KPNA7: variants seen among roughly 807,000 people sequenced by gnomAD.
The protein encoded by KPNA7 is importin subunit alpha-8.
KPNA7 carries 54 observed loss-of-function variants against 53.7 expected under a neutral mutation model. That is an observed-to-expected ratio of 1.01 (90% CI 0.81 to 1.26). The LOEUF (loss-of-function observed/expected upper bound fraction) is 1.26. Among genes scored for constraint, KPNA7 ranks in the 50% most tolerant of loss-of-function variants. The probability of loss-of-function intolerance (pLI) is 0.00; values close to 1 mark genes in which losing one functional copy is unlikely to be tolerated. For synonymous variants in KPNA7, 276 were observed against 259.3 expected (o/e 1.06, Z -0.62); for missense variants, 640 against 644.5 (o/e 0.99, Z 0.07).
the KPNA7 span, among the ~76,000 whole-genome samples, chr7:99,153,955 G>A: frequency 6.6e-6 from 1 of 151,596 alleles, no homozygotes; most frequent in Non-Finnish European, 1.5e-5. Context: ...GTGACAGAGA[G>A]TCTCTAAAAA....
the KPNA7 span, among the ~76,000 whole-genome samples, chr7:99,147,787 AT>A: frequency 1.1e-5 from 1 of 94,932 alleles, no homozygotes; most frequent in African/African-American, 4.1e-5. Context: ...GCAAGACTCT[AT>A]CTCAAAAAAA....
chr7:99,167,701 G>A, the KPNA7 span, among the ~76,000 whole-genome samples: 3 of 126,658 alleles, frequency 2.4e-5, no homozygotes, highest in Admixed American at 1.0e-4. Flanking sequence ...GGCTGGTCTC[G>A]AATTCCTGAC....
chr7:99,165,192 T>C, the KPNA7 span, among the ~76,000 whole-genome samples: 4 of 151,918 alleles, frequency 2.6e-5, no homozygotes, highest in Non-Finnish European at 4.4e-5. Flanking sequence ...GGATCACTTG[T>C]TGGAATGGCC....
chr7:99,209,701 A>AAAAAAAAAAAAAAAAAAAAAG, upstream of KPNA7, among the ~76,000 whole-genome samples: 2 of 148,270 alleles, frequency 1.3e-5, no homozygotes, highest in Admixed American at 6.9e-5. Flanking sequence ...AAAAAAAAAA[A>AAAAAAAAAAAAAAAAAAAAAG]AAAAAAAAAG....
upstream of KPNA7, among the ~76,000 whole-genome samples, chr7:99,208,374 G>T (rs893339894): frequency 1.3e-5 from 2 of 152,138 alleles, no homozygotes; most frequent in African/African-American, 4.8e-5. Flanking sequence ...TCCTACCTCA[G>T]CCTCCCGAGT....
chr7:99,159,469 T>A, the KPNA7 span, among the ~76,000 whole-genome samples: 1 of 151,866 alleles, frequency 6.6e-6, no homozygotes, highest in African/African-American at 2.4e-5. Flanking sequence ...TTTCCAACTT[T>A]ACATTATGGA....
At chr7:99,187,725 T>C (rs766908969) in intron 7 of KPNA7, among the ~76,000 whole-genome samples, 16 of 149,894 alleles carry the variant, frequency 1.1e-4, no homozygotes, top group Non-Finnish European at 7.4e-5. Context: ...AGTTAATTCT[T>C]TGGTGTTTTA....
At chr7:99,186,365 A>G (rs1789591813) in intron 7 of KPNA7, among the ~76,000 whole-genome samples, 1 of 152,184 alleles carries the variant, frequency 6.6e-6, no homozygotes, top group African/African-American at 2.4e-5. Context: ...TTCCTAGCCT[A>G]TTAGGCTACT....
intron 1 of KPNA7, among the ~76,000 whole-genome samples, chr7:99,215,597 AG>A (rs138769857): frequency 0.028 from 4,166 of 150,936 alleles, 200 homozygotes; most frequent in African/African-American, 0.097. Flanking sequence ...TTGCTTCTCC[AG>A]GCTTCTCTGG....
chr7:99,169,060 C>T (rs910025804), downstream of KPNA7, among the ~76,000 whole-genome samples: 5 of 152,080 alleles, frequency 3.3e-5, no homozygotes, highest in African/African-American at 7.2e-5. Context: ...TGGTGGCACA[C>T]GCCTGTAATC....
At chr7:99,148,368 T>C in the KPNA7 span, among the ~76,000 whole-genome samples, 2 of 152,312 alleles carry the variant, frequency 1.3e-5, no homozygotes, top group East Asian at 3.9e-4. Context: ...TTGAAATATT[T>C]TCCAGTGGGC....
At chr7:99,176,033 CA>C (rs1798884727) in intron 10 of KPNA7, among the ~76,000 whole-genome samples, 1 of 152,084 alleles carries the variant, frequency 6.6e-6, no homozygotes, top group African/African-American at 2.4e-5. Context: ...CGTGGTGGCT[CA>C]CGCCTGTAAT....
upstream of KPNA7, among the ~76,000 whole-genome samples, chr7:99,208,777 T>C (rs983067710): frequency 6.6e-6 from 1 of 152,202 alleles, no homozygotes; most frequent in Admixed American, 6.6e-5. Context: ...ATGCTGGGCA[T>C]AGCAGTAAAG....
chr7:99,212,290 G>T (rs1242134200), upstream of KPNA7, among the ~76,000 whole-genome samples: 1 of 131,702 alleles, frequency 7.6e-6, no homozygotes, highest in Non-Finnish European at 1.5e-5. Context: ...TGTAGCCCAG[G>T]CTGGAGTGCA....
intron 1 of KPNA7, among the ~76,000 whole-genome samples, chr7:99,214,621 C>T (rs1182158321): frequency 1.5e-5 from 1 of 68,278 alleles, no homozygotes; most frequent in East Asian, 5.6e-4. Flanking sequence ...AAGAGAGACC[C>T]TGTTTCAAAG....
chr7:99,185,166 G>T lies in KPNA7; in HGVS notation c.901-4C>A. The stretch of plus-strand genomic sequence containing the variant: ...CCACGGTGCGGAGAGAAGGAGTCTG[G>T]AAGAGCAAGGCTAGAAGTCTAAGTA... On this transcript the variant is annotated splice_polypyrimidine_tract_variant and splice_region_variant and intron_variant, in intron 7 of 10. Coordinates refer to ENST00000327442, the MANE Select transcript of KPNA7 (RefSeq NM_001145715.3). 1.3e-6 allele frequency: 2 copies of T among 1,543,382 alleles called. No individual in the cohort carries two copies. The highest frequency in any genetic ancestry group is 1.8e-6 in the Non-Finnish European group (2 of 1,139,092).
upstream of KPNA7, among the ~76,000 whole-genome samples, chr7:99,211,470 G>T (rs2150786609): frequency 6.6e-6 from 1 of 152,278 alleles, no homozygotes; most frequent in South Asian, 2.1e-4. Flanking sequence ...AGAGAGACAA[G>T]CTCTATGCAA....
intron 8 of KPNA7, 51 bp from the exon 9 acceptor site, chr7:99,182,116 A>G (rs1056588778): frequency 7.2e-7 from 1 of 1,396,706 alleles, no homozygotes; most frequent in Non-Finnish European, 9.6e-7. Context: ...GAACCTAAAT[A>G]GAGGACACCA....
the KPNA7 span, among the ~76,000 whole-genome samples, chr7:99,158,081 CCTT>C: frequency 1.3e-5 from 2 of 151,748 alleles, no homozygotes; most frequent in African/African-American, 2.4e-5. Flanking sequence ...AGATGAGTCT[CCTT>C]ATGTTGCCCA....
Sources: allele counts gnomAD v4.1 joint callset (sites outside exome capture counted in the v4.1 genomes callset), GRCh38; gene constraint gnomAD v4.1.1; transcripts MANE v1.5; gene names NCBI Gene and HGNC (gene_info 2026-07-23, HGNC 2026-07-21).